TMTC2: variants seen among roughly 807,000 people sequenced by gnomAD.
TMTC2 encodes transmembrane O-mannosyltransferase targeting cadherins 2.
Under a neutral mutation model 82.4 loss-of-function variants are expected in TMTC2, and 43 were observed. The observed-to-expected ratio is 0.52, with a 90% CI of 0.41 to 0.67. The LOEUF is 0.67. Among genes scored for constraint, TMTC2 ranks in the 30% least tolerant of loss-of-function variants. The probability of loss-of-function intolerance (pLI) is 0.00; values close to 1 mark genes in which losing one functional copy is unlikely to be tolerated. For synonymous variants in TMTC2, 408 were observed against 381.9 expected (o/e 1.07, Z -0.80); for missense variants, 919 against 1,012.4 (o/e 0.91, Z 1.25).
At chr12:83,082,485 C>G (rs941820794) in intron 11 of TMTC2, among the ~76,000 whole-genome samples, 3 of 152,198 alleles carry the variant, frequency 2.0e-5, no homozygotes, top group African/African-American at 4.8e-5. Context: ...TGATAAAGTA[C>G]TCGTGCAGAG....
chr12:82,707,818 A>G (rs897323303), intron 1 of TMTC2, among the ~76,000 whole-genome samples: 8 of 152,224 alleles, frequency 5.3e-5, no homozygotes, highest in African/African-American at 1.9e-4. Flanking sequence ...GGTGAAACCT[A>G]TGAAGTCCTC....
intron 1 of TMTC2, among the ~76,000 whole-genome samples, chr12:82,757,792 A>G (rs1379416222): frequency 6.6e-6 from 1 of 152,196 alleles, no homozygotes; most frequent in Admixed American, 6.5e-5. Context: ...CTTGCAAAGG[A>G]TGCAGGATTC....
intron 1 of TMTC2, among the ~76,000 whole-genome samples, chr12:82,780,369 T>G (rs750011442): frequency 6.6e-6 from 1 of 152,074 alleles, no homozygotes; most frequent in Non-Finnish European, 1.5e-5. Flanking sequence ...AAACAGAGAA[T>G]AGATAACTTT....
intron 3 of TMTC2, 74 bp downstream of exon 3, chr12:82,896,720 A>C (rs1873709260): frequency 8.2e-7 from 1 of 1,214,702 alleles, no homozygotes; most frequent in Admixed American, 2.5e-5. Flanking sequence ...TTCTTGTCTT[A>C]AAACACAGTA....
At chr12:82,917,575 T>A (rs2137221479) in intron 3 of TMTC2, among the ~76,000 whole-genome samples, 1 of 152,142 alleles carries the variant, frequency 6.6e-6, no homozygotes, top group African/African-American at 2.4e-5. Flanking sequence ...CAAGTCTAGC[T>A]TAAAATTGGC....
intron 2 of TMTC2, among the ~76,000 whole-genome samples, chr12:82,861,867 C>G (rs1269303797): frequency 6.6e-6 from 1 of 152,096 alleles, no homozygotes; most frequent in African/African-American, 2.4e-5. Context: ...CTTACATTAT[C>G]CTTGTCCTTC....
At chr12:82,750,438 A>G (rs896629514) in intron 1 of TMTC2, among the ~76,000 whole-genome samples, 25 of 152,056 alleles carry the variant, frequency 1.6e-4, no homozygotes, top group African/African-American at 5.6e-4. Context: ...TCTTGTTGGC[A>G]ATTGGCATTC....
At chr12:82,995,007 C>A (rs1260061752) in intron 8 of TMTC2, among the ~76,000 whole-genome samples, 2 of 151,440 alleles carry the variant, frequency 1.3e-5, no homozygotes, top group Non-Finnish European at 2.9e-5. Context: ...GACTTCATAG[C>A]TTCCAGCTTG....
At chr12:82,869,441 A>C (rs879765808) in intron 2 of TMTC2, among the ~76,000 whole-genome samples, 1 of 152,184 alleles carries the variant, frequency 6.6e-6, no homozygotes, top group Non-Finnish European at 1.5e-5. Context: ...ATTCCCTCCT[A>C]TAATGACATT....
intron 3 of TMTC2, 48 bp downstream of exon 3, chr12:82,896,694 C>T: frequency 7.0e-7 from 1 of 1,426,080 alleles, no homozygotes; most frequent in Non-Finnish European, 9.5e-7. Flanking sequence ...CACTTTCAGC[C>T]TCTTTATATC....
intron 1 of TMTC2, among the ~76,000 whole-genome samples, chr12:82,848,073 T>G (rs1369804547): frequency 2.6e-5 from 4 of 152,118 alleles, no homozygotes; most frequent in African/African-American, 9.7e-5. Flanking sequence ...AGATGAAGTT[T>G]CAAGACAATA....
chr12:83,097,026 T>C (rs1884051606), intron 11 of TMTC2, among the ~76,000 whole-genome samples: 1 of 152,228 alleles, frequency 6.6e-6, no homozygotes, highest in Non-Finnish European at 1.5e-5. Context: ...CATGTTTTTC[T>C]ATTTCAGCAT....
chr12:82,993,087 C>T (rs1348606700), intron 8 of TMTC2, among the ~76,000 whole-genome samples: 4 of 152,150 alleles, frequency 2.6e-5, no homozygotes, highest in South Asian at 4.2e-4. Context: ...CGGATTCAGG[C>T]GATTCTTCTG....
intron 1 of TMTC2, among the ~76,000 whole-genome samples, chr12:82,821,697 C>G (rs1869119253): frequency 6.6e-6 from 1 of 151,796 alleles, no homozygotes; most frequent in Non-Finnish European, 1.5e-5. Flanking sequence ...ATGGTGAAAC[C>G]CCATCTCTAC....
In TMTC2 at chr12:83,004,722, A is replaced by ATTTTTTTTTTTTTTTTTTTTTTTT. The variant is rs528076999; in HGVS notation, c.2070+18698_2070+18721dup. On this transcript the variant is annotated intron_variant, in intron 8 of 11. Coordinates refer to ENST00000321196, the MANE Select transcript of TMTC2 (RefSeq NM_152588.3). ...TTCACAGGCAGTGTATACTGGCCGA[A>ATTTTTTTTTTTTTTTTTTTTTTTT]TTTTTTTTTTTTTTTTTTTTTTTTT... Among the ~76,000 whole-genome samples, 5 of 36,032 alleles carry ATTTTTTTTTTTTTTTTTTTTTTTT rather than the reference A, an allele frequency of 1.4e-4. 1 individual carries two copies. Among genetic ancestry groups the ATTTTTTTTTTTTTTTTTTTTTTTT allele is most frequent in the Non-Finnish European group, 2.6e-4 (5 of 18,964 alleles). 23.6% of individuals were successfully genotyped at this position (36,032 alleles called of 152,430 possible). A position where few individuals can be genotyped will look rare whatever the true frequency, so the allele number is the denominator to read the frequency against.
At chr12:82,800,752 G>A (rs1469046032) in intron 1 of TMTC2, among the ~76,000 whole-genome samples, 1 of 152,104 alleles carries the variant, frequency 6.6e-6, no homozygotes, top group Non-Finnish European at 1.5e-5. Flanking sequence ...AGACAACAGG[G>A]TTTGTCCTTG....
chr12:82,869,703 G>A (rs1334845037), intron 2 of TMTC2, among the ~76,000 whole-genome samples: 1 of 151,962 alleles, frequency 6.6e-6, no homozygotes, highest in Non-Finnish European at 1.5e-5. Flanking sequence ...GCAGCATGCA[G>A]TGGTGTGCAC....
intron 1 of TMTC2, among the ~76,000 whole-genome samples, chr12:82,846,229 A>G (rs1438768051): frequency 1.3e-5 from 2 of 151,982 alleles, no homozygotes; most frequent in East Asian, 3.9e-4. Flanking sequence ...ATTGTGGCGC[A>G]CACGTATAGT....
intron 7 of TMTC2, among the ~76,000 whole-genome samples, chr12:82,982,625 G>T (rs1159203792): frequency 6.6e-6 from 1 of 151,870 alleles, no homozygotes; most frequent in Non-Finnish European, 1.5e-5. Flanking sequence ...GTCAGTCATA[G>T]ATTACCATTG....
Sources: gnomAD v4.1 joint callset for allele counts (sites outside exome capture counted in the v4.1 genomes callset) on GRCh38, gnomAD v4.1.1 for gene constraint, MANE v1.5 for transcripts, NCBI Gene and HGNC (gene_info 2026-07-23, HGNC 2026-07-21) for gene names.